Variants in NUP107 observed in about 807,000 individuals in gnomAD.
NUP107 encodes nucleoporin 107, also known as nuclear pore complex protein Nup107.
Under a neutral mutation model 141.0 loss-of-function variants are expected in NUP107, and 101 were observed. The ratio of observed to expected loss-of-function variants is 0.72; its 90% CI spans 0.61 to 0.84. The LOEUF (loss-of-function observed/expected upper bound fraction) is 0.84. Ranked by LOEUF, NUP107 falls within the 40% of genes least tolerant of loss-of-function variation. NUP107 has a pLI of 0.00. For missense variants in NUP107, 941 were observed against 1,102.7 expected (o/e 0.85, Z 2.08); for synonymous variants, 319 against 363.9 (o/e 0.88, Z 1.41).
chr12:68,687,968 C>T (rs949595480), intron 1 of NUP107, among the ~76,000 whole-genome samples: 9 of 152,068 alleles, frequency 5.9e-5, no homozygotes, highest in African/African-American at 2.2e-4. Context: ...AGTTGTTGAC[C>T]AGGTGCTCAA....
chr12:68,702,428 CTT>C (rs1216232643), intron 7 of NUP107, among the ~76,000 whole-genome samples: 3 of 151,790 alleles, frequency 2.0e-5, no homozygotes, highest in Admixed American at 2.0e-4. Context: ...CCCTGCCTAA[CTT>C]TTTTTATTTT....
chr12:68,687,781 T>C (rs1281660963), intron 1 of NUP107: 5 of 413,736 alleles, frequency 1.2e-5, no homozygotes, highest in African/African-American at 2.2e-5. Flanking sequence ...TATTTAATCT[T>C]CAGAACAAGA....
Position 68,714,917 on chromosome 12 carries a change from T to C in NUP107, c.970-710T>C, listed in dbSNP as rs372304665. Among the ~76,000 whole-genome samples the C allele has an allele frequency of 4.6e-5, 7 of 152,374 alleles. No homozygotes were observed. In the South Asian group the frequency reaches 1.4e-3, roughly 32 times the overall value. On this transcript the variant is annotated intron_variant, in intron 11 of 27. Coordinates refer to ENST00000229179, the MANE Select transcript of NUP107 (RefSeq NM_020401.4). ...CAAAAAGTACCAGGTAAGCACTTTG[T>C]AGTCACAGAACAGAAGGTTTTTGCT... is the stretch of plus-strand genomic sequence containing the variant.
rs764576415 is a variant in NUP107 at position 68,735,268 on chromosome 12, T to C, written c.2426T>C (p.Leu809Pro). ...FGIWKGHLDA[L>P]TADVKEKMYN... ...ATTTGGAAAGGGCATTTGGATGCCC[T>C]AACTGCTGATGTGAAGGAGAAAATG... Residue 809 changes from leucine to proline, a missense_variant, in exon 26 of 28, where the codon CTA becomes CCA. By Grantham distance (98) the Leu-to-Pro change is moderately conservative. Transcript: ENST00000229179. The C allele has an allele frequency of 6.2e-7, 1 of 1,614,060 alleles. No individual in the cohort carries two copies.
chr12:68,729,352 T>C (rs757471581), intron 20 of NUP107, among the ~76,000 whole-genome samples: 6 of 152,230 alleles, frequency 3.9e-5, no homozygotes, highest in Non-Finnish European at 7.3e-5. Context: ...CTTTTTATAA[T>C]AGATTCATAT....
At chr12:68,735,602 TTTAA>T (rs1878034008) in intron 26 of NUP107, among the ~76,000 whole-genome samples, 2 of 152,224 alleles carry the variant, frequency 1.3e-5, no homozygotes, top group South Asian at 4.1e-4. Flanking sequence ...GACCTAAAAA[TTTAA>T]TTATACATGT....
At chr12:68,727,780 CACAG>C (rs1877627268) in intron 20 of NUP107, among the ~76,000 whole-genome samples, 2 of 152,064 alleles carry the variant, frequency 1.3e-5, no homozygotes, top group Non-Finnish European at 2.9e-5. Flanking sequence ...ACTCATGTCC[CACAG>C]TTGGCCCTGC....
At chr12:68,722,274 A>C in intron 17 of NUP107, 122 bp downstream of exon 17, 1 of 751,112 alleles carries the variant, frequency 1.3e-6, no homozygotes, top group Non-Finnish European at 2.1e-6. Context: ...TAAAATAAGA[A>C]TCATTCTTTG....
intron 20 of NUP107, among the ~76,000 whole-genome samples, chr12:68,727,627 C>T (rs779328527): frequency 1.3e-5 from 2 of 152,088 alleles, no homozygotes; most frequent in Non-Finnish European, 2.9e-5. Context: ...ACTACTGATA[C>T]CCTACTGCTG....
rs2259588 is a variant in NUP107 at position 68,689,025 on chromosome 12, G to A, written c.72G>A (p.Arg24=). Residue 24 remains arginine (R), a synonymous_variant, in exon 2 of 28, where the codon CGG becomes CGA. Transcript: ENST00000229179. ...IREAEVTRTA[R]KQSAQKRVLL... ...AGGCAGAGGTGACACGGACTGCACG[G>A]AAACAGAGTGCTCAGAAAAGAGTTT... 413,906 of 1,611,062 alleles carry A rather than the reference G, an allele frequency of 0.26. 55,248 individuals are homozygous for A. The highest frequency in any genetic ancestry group is 0.3 in the Middle Eastern group (1,797 of 6,050).
At chr12:68,706,267 G>A in intron 8 of NUP107, 1 of 789,348 alleles carries the variant, frequency 1.3e-6, no homozygotes, top group Non-Finnish European at 2.3e-6. Flanking sequence ...TAGAGCTGGA[G>A]TCTCACCTGG....
intron 26 of NUP107, among the ~76,000 whole-genome samples, chr12:68,737,150 A>C (rs551519821): frequency 1.5e-4 from 23 of 152,350 alleles, no homozygotes; most frequent in Admixed American, 1.4e-3. Context: ...ATGCTAATTA[A>C]GTGTCACTTA....
At chr12:68,702,409 C>A (rs1876374859) in intron 7 of NUP107, among the ~76,000 whole-genome samples, 1 of 151,838 alleles carries the variant, frequency 6.6e-6, no homozygotes, top group African/African-American at 2.4e-5. Context: ...ACAAGCGTGA[C>A]CCACCGTGCC....
At chr12:68,706,301 T>C (rs1174859167) in intron 8 of NUP107, 10 of 966,462 alleles carry the variant, frequency 1.0e-5, no homozygotes, top group Non-Finnish European at 1.7e-5. Context: ...AGAGATCAGC[T>C]TCCTCAGGCA....
intron 10 of NUP107, among the ~76,000 whole-genome samples, chr12:68,713,175 C>T (rs886623672): frequency 2.0e-5 from 3 of 151,712 alleles, no homozygotes; most frequent in Non-Finnish European, 2.9e-5. Context: ...GAGTTCAAGA[C>T]CAGCCAGGGG....
At chr12:68,728,959 A>T (rs753945689) in intron 20 of NUP107, among the ~76,000 whole-genome samples, 1 of 151,940 alleles carries the variant, frequency 6.6e-6, no homozygotes, top group Non-Finnish European at 1.5e-5. Context: ...TAATCTCATG[A>T]CTTTTCTCTG....
intron 10 of NUP107, among the ~76,000 whole-genome samples, chr12:68,711,452 C>G (rs1394712012): frequency 6.6e-6 from 1 of 151,184 alleles, no homozygotes; most frequent in East Asian, 1.9e-4. Context: ...ATGACAGGAG[C>G]TTGAACCTGG....
chr12:68,711,140 C>A (rs1427657875), intron 10 of NUP107, among the ~76,000 whole-genome samples: 3 of 150,456 alleles, frequency 2.0e-5, no homozygotes, highest in African/African-American at 7.3e-5. Context: ...ATCACGAAGT[C>A]AGGAGATCAA....
chr12:68,733,649 C>G (rs778476782), intron 24 of NUP107, 37 bp downstream of exon 24: 1 of 1,565,642 alleles, frequency 6.4e-7, no homozygotes, highest in East Asian at 2.3e-5. Context: ...GTGCCTACTT[C>G]ATGATGATTT....
Sources: gnomAD v4.1 joint callset for allele counts (sites outside exome capture counted in the v4.1 genomes callset) on GRCh38, gnomAD v4.1.1 for gene constraint, MANE v1.5 for transcripts, NCBI Gene and HGNC (gene_info 2026-07-23, HGNC 2026-07-21) for gene names.